SLC5A9: variants seen among roughly 807,000 people sequenced by gnomAD.
SLC5A9 encodes the protein solute carrier family 5 member 9.
Under a neutral mutation model 70.9 loss-of-function variants are expected in SLC5A9, and 59 were observed. The ratio of observed to expected loss-of-function variants is 0.83; its 90% CI spans 0.68 to 1.03. The LOEUF is 1.03. Ranked by LOEUF, SLC5A9 falls within the 50% of genes least tolerant of loss-of-function variation. The pLI is 0.00. For synonymous variants in SLC5A9, 340 were observed against 346.5 expected, an observed-to-expected ratio of 0.98 and a Z score of 0.21; for missense variants, 832 against 881.1, an observed-to-expected ratio of 0.94 and a Z score of 0.71.
chr1:48,226,353 C>T (rs923921909), intron 2 of SLC5A9, among the ~76,000 whole-genome samples: 2 of 152,240 alleles, frequency 1.3e-5, no homozygotes, highest in Admixed American at 6.5e-5. Flanking sequence ...TCTGGCCCAA[C>T]GATTAGTGTG....
intron 9 of SLC5A9, 24 bp from the exon 10 acceptor site, chr1:48,235,705 C>T: frequency 6.2e-7 from 1 of 1,613,594 alleles, no homozygotes; most frequent in Non-Finnish European, 8.5e-7. Flanking sequence ...GCCAGCCGTT[C>T]ACATGAGCCT....
chr1:48,226,550 A>G (rs377334343), intron 2 of SLC5A9, among the ~76,000 whole-genome samples: 1 of 152,180 alleles, frequency 6.6e-6, no homozygotes, highest in African/African-American at 2.4e-5. Context: ...CAGAGTAAGA[A>G]CCAGCTCTGG....
intron 2 of SLC5A9, among the ~76,000 whole-genome samples, chr1:48,226,441 A>G (rs1324456821): frequency 6.6e-6 from 1 of 152,190 alleles, no homozygotes; most frequent in Non-Finnish European, 1.5e-5. Context: ...AACACAGAGC[A>G]GGCACCCAGT....
Position 48,232,397 on chromosome 1 carries a change from AG to A in SLC5A9, c.929del (p.Ser310IlefsTer15), listed in dbSNP as rs765967725. The A allele has an allele frequency of 1.9e-6, 3 of 1,613,984 alleles. No individual in the cohort carries two copies. In the African/African-American group the frequency reaches 4.0e-5, roughly 22 times the overall value. On this transcript the variant is annotated frameshift_variant, in exon 8 of 14. Coordinates refer to ENST00000438567, the MANE Select transcript of SLC5A9 (RefSeq NM_001011547.3). LOFTEE classifies it high-confidence loss of function. ...VIVQRSLSAK[S>X]LSHAKGGSVL... Reference sequence around the variant, plus strand: ...TGTGCAGCGGTCTCTCTCGGCCAAGAGTCTGTCTCATGCCAAGGGAGGCTCC... The same window carrying A: ...TGTGCAGCGGTCTCTCTCGGCCAAGATCTGTCTCATGCCAAGGGAGGCTCC...
At position 48,247,719 on chromosome 1, in the gene SLC5A9, A is replaced by G. The variant is rs2148594072; in HGVS notation, c.*176A>G. 3 of 660,098 alleles carry G rather than the reference A, an allele frequency of 4.5e-6. No homozygotes were observed. The East Asian group carries it at 8.2e-5, about 18-fold the overall frequency. The allele number at this position is 660,098 out of a possible 1,614,324, so 40.9% of individuals were successfully genotyped here. A position where few individuals can be genotyped will look rare whatever the true frequency, so the allele number is the denominator to read the frequency against. ...CACACTTGACAAGTGGAGAAACAGA[A>G]GCCCAGAGAGAGCACTGGGTTTGTT... On this transcript the variant is annotated 3_prime_UTR_variant, in exon 14 of 14. Coordinates refer to ENST00000438567, the MANE Select transcript of SLC5A9 (RefSeq NM_001011547.3).
rs1170577687 is a variant in SLC5A9, at chr1:48,247,568, G to A, written c.*25G>A. The A allele has an allele frequency of 1.1e-5, 18 of 1,611,186 alleles. No homozygotes were observed. Among genetic ancestry groups the A allele is most frequent in the East Asian group, 2.2e-5 (1 of 44,838 alleles). On this transcript the variant is annotated 3_prime_UTR_variant, in exon 14 of 14. Coordinates refer to ENST00000438567, the MANE Select transcript of SLC5A9 (RefSeq NM_001011547.3). ...ATTCCACAGACCTGGCTTCAGTGTAGACAGATTAAACAAAGCCCAAGCCTG... is the reference window on the plus strand; with the variant it reads ...ATTCCACAGACCTGGCTTCAGTGTAAACAGATTAAACAAAGCCCAAGCCTG...
Position 48,230,707 on chromosome 1 carries a change from T to C in SLC5A9, c.610+2T>C, listed in dbSNP as rs1204364050. 2 of 1,610,470 alleles carry C rather than the reference T, an allele frequency of 1.2e-6. No homozygotes were observed. Among genetic ancestry groups the C allele is most frequent in the African/African-American group, 2.7e-5 (2 of 74,792 alleles). On this transcript the variant is annotated splice_donor_variant, in intron 5 of 13. Coordinates refer to ENST00000438567, the MANE Select transcript of SLC5A9 (RefSeq NM_001011547.3). LOFTEE classifies it high-confidence loss of function. Reference sequence around the variant, plus strand: ...TGACTGCCGTCTACACCATTGCAGGTAGGCAGAGGGAAGAGGGCAAGAGGA... The same window carrying C: ...TGACTGCCGTCTACACCATTGCAGGCAGGCAGAGGGAAGAGGGCAAGAGGA...
chr1:48,235,694 G>A (rs1325372187), intron 9 of SLC5A9, 35 bp from the exon 10 acceptor site: 2 of 1,612,852 alleles, frequency 1.2e-6, no homozygotes, highest in South Asian at 2.2e-5. Flanking sequence ...GGCCTTAATG[G>A]GCCAGCCGTT....
rs752131531 is a variant in SLC5A9, at chr1:48,235,796, C to T, written c.1209C>T (p.Asn403=). 9 of 1,614,110 alleles carry T rather than the reference C, an allele frequency of 5.6e-6. No homozygotes were observed. The African/African-American group carries it at 1.2e-4, about 22-fold the overall frequency. The change falls in exon 10 of 14, where the codon AAC becomes AAT. Residue 403 remains asparagine (N), a synonymous_variant. Transcript: ENST00000438567. ...TGAGCTCACTCACCTCCATCTTCAACAGCAGCAGCACCCTGTTCACCATTG... is the reference window on the plus strand; with the variant it reads ...TGAGCTCACTCACCTCCATCTTCAATAGCAGCAGCACCCTGTTCACCATTG... The part of the protein sequence containing the change: ...ALMSSLTSIF[N]SSSTLFTIDV...
intron 5 of SLC5A9, 150 bp from the exon 6 acceptor site, chr1:48,231,395 T>C (rs1378368360): frequency 5.2e-6 from 5 of 970,454 alleles, no homozygotes; most frequent in Non-Finnish European, 6.0e-6. Context: ...AGGGGAACAC[T>C]AGGTGCGGAG....
Position 48,228,972 on chromosome 1 carries a change from GTT to G in SLC5A9, c.339+20_339+21del. 1 of 1,613,238 alleles carries G rather than the reference GTT, an allele frequency of 6.2e-7. No homozygotes were observed. The highest frequency in any genetic ancestry group is 8.5e-7 in the Non-Finnish European group (1 of 1,180,024). On this transcript the variant is annotated intron_variant, in intron 3 of 13. Coordinates refer to ENST00000438567, the MANE Select transcript of SLC5A9 (RefSeq NM_001011547.3). ...AGTGGAACGTAAGGAAGCTGGCCTG[GTT>G]TCTCCAGAATACTGAGGGTCTAACC...
intron 8 of SLC5A9, 56 bp from the exon 9 acceptor site, chr1:48,233,599 G>T: frequency 7.1e-7 from 1 of 1,410,634 alleles, no homozygotes; most frequent in East Asian, 2.3e-5. Context: ...CAAATACTAG[G>T]CCAACCTGAG....
Position 48,232,460 on chromosome 1 carries a change from TTCA to T in SLC5A9, c.994_996del (p.Ile332del), listed in dbSNP as rs1358104119. 1 of 1,614,216 alleles carries T rather than the reference TTCA, an allele frequency of 6.2e-7. No individual in the cohort carries two copies. The highest frequency in any genetic ancestry group is 1.3e-5 in the African/African-American group (1 of 75,056). On this transcript the variant is annotated inframe_deletion, in exon 8 of 14. Coordinates refer to ENST00000438567, the MANE Select transcript of SLC5A9 (RefSeq NM_001011547.3). ...CTACCTGAAGATCCTCCCCATGTTC[TTCA>T]TCGTCATGCCTGGCATGATCAGCCG... is the stretch of plus-strand genomic sequence containing the variant.
intron 2 of SLC5A9, among the ~76,000 whole-genome samples, chr1:48,226,680 C>T (rs1241960668): frequency 3.3e-5 from 5 of 152,192 alleles, no homozygotes; most frequent in Non-Finnish European, 5.9e-5. Flanking sequence ...AAGGTGCAGT[C>T]GCCCGTCCTC....
chr1:48,235,613 C>A (rs1644314667), intron 9 of SLC5A9, 116 bp from the exon 10 acceptor site: 1 of 1,256,090 alleles, frequency 8.0e-7, no homozygotes, highest in Non-Finnish European at 1.1e-6. Flanking sequence ...AACCCCTTCC[C>A]TCTCTCATCC....
intron 3 of SLC5A9, 107 bp from the exon 4 acceptor site, chr1:48,229,188 T>C (rs377359006): frequency 1.9e-6 from 3 of 1,613,852 alleles, no homozygotes; most frequent in African/African-American, 2.7e-5. Flanking sequence ...GTCTCTTATT[T>C]CTCTGTTCGG....
chr1:48,228,796 G>C, intron 2 of SLC5A9, 54 bp from the exon 3 acceptor site: 1 of 1,602,028 alleles, frequency 6.2e-7, no homozygotes. Context: ...CCTCGCTCCA[G>C]ATTCATTCAG....
intron 5 of SLC5A9, 46 bp downstream of exon 5, chr1:48,230,751 G>C: frequency 2.8e-6 from 4 of 1,412,510 alleles, no homozygotes; most frequent in Non-Finnish European, 4.0e-6. Flanking sequence ...GACTGGCAGA[G>C]ACCCAGAGAG....
chr1:48,230,755 C>G (rs778521253), intron 5 of SLC5A9, 50 bp downstream of exon 5: 81 of 1,397,848 alleles, frequency 5.8e-5, no homozygotes, highest in Admixed American at 2.8e-4. Flanking sequence ...GGCAGAGACC[C>G]AGAGAGAAAG....
Sources: allele counts gnomAD v4.1 joint callset (sites outside exome capture counted in the v4.1 genomes callset), GRCh38; gene constraint gnomAD v4.1.1; transcripts MANE v1.5; gene names NCBI Gene and HGNC (gene_info 2026-07-23, HGNC 2026-07-21).